The following BTBD9 variants were observed in gnomAD, a reference collection of about 807,000 sequenced individuals.
The protein encoded by BTBD9 is BTB/POZ domain-containing protein 9.
BTBD9 carries 49 observed loss-of-function variants against 64.3 expected under a neutral mutation model. The ratio of observed to expected loss-of-function variants is 0.76; its 90% CI spans 0.61 to 0.97. The LOEUF (loss-of-function observed/expected upper bound fraction) is 0.97. Among genes scored for constraint, BTBD9 ranks in the 50% least tolerant of loss-of-function variants. The pLI, the probability that BTBD9 is intolerant of heterozygous loss-of-function variation, is 0.00. For synonymous variants in BTBD9, 260 were observed against 274.7 expected (o/e 0.95, Z 0.53); for missense variants, 598 against 762.1 (o/e 0.78, Z 2.53).
intron 7 of BTBD9, among the ~76,000 whole-genome samples, chr6:38,301,136 G>GT (rs1195691136): frequency 6.6e-6 from 1 of 152,160 alleles, no homozygotes; most frequent in Non-Finnish European, 1.5e-5. Context: ...TTTCGTCTTT[G>GT]TTTCTGTTTA....
chr6:38,543,821 T>G (rs1393357148), intron 6 of BTBD9, among the ~76,000 whole-genome samples: 2 of 151,824 alleles, frequency 1.3e-5, no homozygotes, highest in Admixed American at 1.3e-4. Flanking sequence ...GCCGGGCGTG[T>G]TGGCGGGCGC....
intron 6 of BTBD9, among the ~76,000 whole-genome samples, chr6:38,544,664 T>C (rs759028642): frequency 1.3e-5 from 2 of 151,958 alleles, no homozygotes; most frequent in Non-Finnish European, 2.9e-5. Flanking sequence ...CGGTGGCTTA[T>C]GCCTATAATC....
chr6:38,436,693 A>G (rs1468490790), intron 6 of BTBD9, among the ~76,000 whole-genome samples: 3 of 150,090 alleles, frequency 2.0e-5, no homozygotes, highest in East Asian at 3.9e-4. Context: ...TAATTTGGAT[A>G]TATGTTGACA....
At chr6:38,578,343 T>C (rs1776144855) in intron 5 of BTBD9, among the ~76,000 whole-genome samples, 1 of 152,184 alleles carries the variant, frequency 6.6e-6, no homozygotes, top group Non-Finnish European at 1.5e-5. Flanking sequence ...CAGCTGATAA[T>C]CTGGCAGTAA....
At chr6:38,617,699 T>C (rs976789893) in intron 1 of BTBD9, among the ~76,000 whole-genome samples, 1 of 152,126 alleles carries the variant, frequency 6.6e-6, no homozygotes, top group African/African-American at 2.4e-5. Context: ...ATTCAAATGA[T>C]GAGAAGTGAG....
At chr6:38,597,780 T>G in intron 2 of BTBD9, 130 bp downstream of exon 2, 1 of 756,210 alleles carries the variant, frequency 1.3e-6, no homozygotes, top group East Asian at 2.7e-5. Flanking sequence ...GGATGAAATC[T>G]TCATAGATAT....
At chr6:38,511,638 G>A (rs1350531147) in intron 6 of BTBD9, among the ~76,000 whole-genome samples, 3 of 152,038 alleles carry the variant, frequency 2.0e-5, no homozygotes, top group East Asian at 1.9e-4. Flanking sequence ...CACCGCTCCT[G>A]GCTGTAAATA....
chr6:38,259,960 C>T (rs1561939094), intron 8 of BTBD9, among the ~76,000 whole-genome samples: 1 of 152,142 alleles, frequency 6.6e-6, no homozygotes. Context: ...CTTATAAGAA[C>T]GTGAATCATT....
In BTBD9 at chr6:38,221,398, C is replaced by T. The variant is rs574338947; in HGVS notation, c.1563-28801G>A. ...CCAGCCACCTCCTGTCCAAAAGCCT[C>T]CCCCCAGGGAGCCACCACCACCATC... On this transcript the variant is annotated intron_variant, in intron 9 of 10. Transcript: ENST00000481247. 4.0e-5 allele frequency among the ~76,000 whole-genome samples: 6 copies of T among 151,892 alleles called. No homozygotes were observed. The South Asian group carries it at 8.4e-4, about 21-fold the overall frequency.
intron 9 of BTBD9, among the ~76,000 whole-genome samples, chr6:38,231,636 C>A (rs939287862): frequency 1.3e-5 from 2 of 152,162 alleles, no homozygotes; most frequent in African/African-American, 4.8e-5. Context: ...GTAGTCAACA[C>A]ATAAAGTGGG....
rs1761835072 is a variant in BTBD9, at chr6:38,288,545, A to C, written c.1265-84T>G. ...AGTGTGCTCAGAACAAAATTAATTA[A>C]TTGCTATCTCAAATCAATGATAAAA... is the stretch of plus-strand genomic sequence containing the variant. On this transcript the variant is annotated intron_variant, in intron 7 of 10. Transcript: ENST00000481247. 5 of 1,059,116 alleles carry C rather than the reference A, an allele frequency of 4.7e-6. No homozygotes were observed. In the South Asian group the frequency reaches 7.7e-5, roughly 16 times the overall value. 65.6% of individuals were successfully genotyped at this position (1,059,116 alleles called of 1,614,324 possible). A position where few individuals can be genotyped will look rare whatever the true frequency, so the allele number is the denominator to read the frequency against.
At chr6:38,249,420 A>G (rs1030278141) in intron 9 of BTBD9, among the ~76,000 whole-genome samples, 21 of 151,066 alleles carry the variant, frequency 1.4e-4, no homozygotes, top group African/African-American at 4.9e-4. Context: ...TATCTGGCTA[A>G]TTTTTTTTTC....
chr6:38,336,495 AG>A (rs1562042732), intron 7 of BTBD9, among the ~76,000 whole-genome samples: 1 of 152,178 alleles, frequency 6.6e-6, no homozygotes, highest in Non-Finnish European at 1.5e-5. Flanking sequence ...TGCCGAAAAA[AG>A]GGGGAAGTCC....
rs574235386 is a variant in BTBD9 at position 38,360,515 on chromosome 6, C to G, written c.1155-15422G>C. 2.6e-5 allele frequency among the ~76,000 whole-genome samples: 4 copies of G among 152,074 alleles called. No homozygotes were observed. The South Asian group carries it at 6.2e-4, about 24-fold the overall frequency. ...TTAGTACATTCTGTTATATAAATTC[C>G]ACACAAATAGCATGATAGCACATAG... On this transcript the variant is annotated intron_variant, in intron 6 of 10. Coordinates refer to ENST00000481247, the MANE Select transcript of BTBD9 (RefSeq NM_001099272.2).
intron 6 of BTBD9, among the ~76,000 whole-genome samples, chr6:38,374,308 T>TATATATATATAC (rs1562095568): frequency 2.4e-5 from 2 of 84,084 alleles, no homozygotes; most frequent in East Asian, 3.1e-4. Flanking sequence ...TATATATATG[T>TATATATATATAC]ATATATATAT....
chr6:38,283,498 A>G (rs1182788042), intron 8 of BTBD9, among the ~76,000 whole-genome samples: 1 of 152,010 alleles, frequency 6.6e-6, no homozygotes, highest in Non-Finnish European at 1.5e-5. Context: ...AAATTTTATA[A>G]ACTAGTCAGG....
At chr6:38,555,430 G>T (rs1419591709) in intron 6 of BTBD9, among the ~76,000 whole-genome samples, 3 of 152,168 alleles carry the variant, frequency 2.0e-5, no homozygotes, top group Non-Finnish European at 4.4e-5. Flanking sequence ...AGTGAATGTG[G>T]AAAAGGGGTT....
chr6:38,543,104 A>G (rs1774361307), intron 6 of BTBD9, among the ~76,000 whole-genome samples: 1 of 152,186 alleles, frequency 6.6e-6, no homozygotes, highest in Non-Finnish European at 1.5e-5. Flanking sequence ...CTACCTGTAC[A>G]AGCCTTCTTT....
intron 6 of BTBD9, among the ~76,000 whole-genome samples, chr6:38,474,579 G>C (rs1770797222): frequency 1.3e-5 from 2 of 152,062 alleles, no homozygotes; most frequent in South Asian, 4.1e-4. Flanking sequence ...AAAAGAAAAA[G>C]GAAAGAGCTG....
Sources: gnomAD v4.1 joint callset for allele counts (sites outside exome capture counted in the v4.1 genomes callset) on GRCh38, gnomAD v4.1.1 for gene constraint, MANE v1.5 for transcripts, NCBI Gene and HGNC (gene_info 2026-07-23, HGNC 2026-07-21) for gene names.